Variants in POGZ observed in about 807,000 individuals in gnomAD.
POGZ encodes the protein pogo transposable element with ZNF domain.
In POGZ, 17 loss-of-function variants were observed where a neutral mutation model predicts 134.6. The observed-to-expected ratio is 0.13, with a 90% confidence interval of 0.09 to 0.19. The LOEUF is 0.19. POGZ is among the 10% of genes least tolerant of loss of function. POGZ has a pLI of 1.00. For synonymous variants in POGZ, 693 were observed against 657.1 expected, an observed-to-expected ratio of 1.05 and a Z score of -0.84; for missense variants, 1,306 against 1,769.7, an observed-to-expected ratio of 0.74 and a Z score of 4.70.
In POGZ at chr1:151,423,554, G is replaced by A. The variant is rs367963956; in HGVS notation, c.1524-3C>T. The A allele has an allele frequency of 6.2e-6, 10 of 1,601,960 alleles. No individual in the cohort carries two copies. In the Middle Eastern group the frequency reaches 6.6e-4, roughly 106 times the overall value. On this transcript the variant is annotated splice_polypyrimidine_tract_variant and splice_region_variant and intron_variant, in intron 9 of 18. Transcript: ENST00000271715. ...GGTGTTTCATATGGTTCATGAATCTGTAATAAAGCACAAAGAGAAAGTACA... is the reference window on the plus strand; with the variant it reads ...GGTGTTTCATATGGTTCATGAATCTATAATAAAGCACAAAGAGAAAGTACA...
Position 151,441,097 on chromosome 1 carries a change from G to A in POGZ, c.125-11C>T, listed in dbSNP as rs148722473. On this transcript the variant is annotated splice_polypyrimidine_tract_variant and intron_variant, in intron 2 of 18. Transcript: ENST00000271715. ...GCTGGCTCACAGAAACTGTGGGGAA[G>A]GGGAGGCATAGTCACTTGGAGACAG... 2 of 1,611,290 alleles carry A rather than the reference G, an allele frequency of 1.2e-6. No homozygotes were observed. The highest frequency in any genetic ancestry group is 8.5e-7 in the Non-Finnish European group (1 of 1,178,270).
intron 10 of POGZ, among the ~76,000 whole-genome samples, chr1:151,420,701 A>G (rs1326261916): frequency 6.6e-6 from 1 of 152,176 alleles, no homozygotes; most frequent in Non-Finnish European, 1.5e-5. Flanking sequence ...TATCTAGTGA[A>G]CACTTAAAAT....
intron 10 of POGZ, among the ~76,000 whole-genome samples, chr1:151,415,788 C>T (rs193117184): frequency 6.6e-6 from 1 of 151,734 alleles, no homozygotes; most frequent in East Asian, 1.9e-4. Context: ...CTCACACTAA[C>T]AAAAGCTATG....
At chr1:151,457,190 T>C (rs1662878512) in intron 1 of POGZ, among the ~76,000 whole-genome samples, 1 of 152,180 alleles carries the variant, frequency 6.6e-6, no homozygotes, top group Non-Finnish European at 1.5e-5. Flanking sequence ...ATCAGGTTCG[T>C]CCCAAGAGTC....
intron 1 of POGZ, among the ~76,000 whole-genome samples, chr1:151,450,107 C>T (rs1661861800): frequency 7.2e-6 from 1 of 139,206 alleles, no homozygotes; most frequent in African/African-American, 2.6e-5. Context: ...TCTCGGCTCA[C>T]TGCAACCTCC....
At chr1:151,412,486 T>C in intron 10 of POGZ, 90 bp from the exon 11 acceptor site, 1 of 726,732 alleles carries the variant, frequency 1.4e-6, no homozygotes, top group South Asian at 1.7e-5. Context: ...GCCTCCTTTA[T>C]TTTGATTTTC....
chr1:151,433,689 C>T (rs544565489), intron 3 of POGZ, among the ~76,000 whole-genome samples: 1 of 149,228 alleles, frequency 6.7e-6, no homozygotes, highest in Non-Finnish European at 1.5e-5. Context: ...ATTAGATTCA[C>T]AATGCAATGG....
intron 10 of POGZ, among the ~76,000 whole-genome samples, chr1:151,421,720 A>C (rs988846096): frequency 2.6e-5 from 4 of 152,166 alleles, no homozygotes; most frequent in African/African-American, 9.7e-5. Context: ...CCATTTCTGT[A>C]TCTCTCAGTT....
Position 151,405,291 on chromosome 1 carries a change from A to G in POGZ, c.3744T>C (p.Thr1248=). 1 of 1,614,242 alleles carries G rather than the reference A, an allele frequency of 6.2e-7. No homozygotes were observed. The highest frequency in any genetic ancestry group is 8.5e-7 in the Non-Finnish European group (1 of 1,180,026). ...AGCCTGCTGGGACCACTGCAGGCAA[A>G]GTGCTAGAGGCACTAAGCATAGCCA... The part of the protein sequence containing the change: ...EVLAMLSASS[T]LPAVVPAGCS... The change falls in exon 19 of 19, where the codon ACT becomes ACC. Residue 1248 remains threonine, a synonymous_variant. Transcript: ENST00000271715. This position sits in a 1 kb window ranked among gnomAD's most constrained non-coding sequence, Gnocchi z 4.9.
At chr1:151,449,626 G>A (rs1661762148) in intron 1 of POGZ, among the ~76,000 whole-genome samples, 1 of 152,244 alleles carries the variant, frequency 6.6e-6, no homozygotes. Context: ...GCCAGGCACA[G>A]TGGCTCACGC....
rs375355132 is a variant in POGZ, at chr1:151,405,375, C to G, written c.3660G>C (p.Gln1220His). 23 of 1,613,874 alleles carry G rather than the reference C, an allele frequency of 1.4e-5. No homozygotes were observed. In the Middle Eastern group the frequency reaches 2.8e-3, roughly 196 times the overall value. ...TRVWQKHTACQRSKGMLVMDC... is the reference protein window; with the variant it reads ...TRVWQKHTACHRSKGMLVMDC... ...CCATCACAAGCATGCCTTTGCTGCG[C>G]TGGCAAGCTGTGTGCTTCTGCCACA... The change falls in exon 19 of 19, where the codon CAG (glutamine) becomes CAC (histidine). Residue 1220 changes from glutamine to histidine, a missense_variant. Around this residue, in one of 10 missense-constraint regions of POGZ, gnomAD observed 161 missense variants for 185.4 expected, o/e 0.87. Coordinates refer to ENST00000271715, the MANE Select transcript of POGZ (RefSeq NM_015100.4). The surrounding 1 kb of genome is among the most constrained non-coding windows in gnomAD (Gnocchi z 4.9).
In POGZ at chr1:151,459,370, G is replaced by T. The variant is rs1341434330; in HGVS notation, c.-220C>A. On this transcript the variant is annotated 5_prime_UTR_variant, in exon 1 of 19. Transcript: ENST00000271715. ...TCGGGGTGGATTTTTTTCCCGAGGG[G>T]GGCGGGGGGGCCCCGAGGGAGGGGG... 6.7e-6 allele frequency: 1 copy of T among 149,522 alleles called. No homozygotes were observed. Among genetic ancestry groups the T allele is most frequent in the African/African-American group, 2.5e-5 (1 of 40,710 alleles). 9.3% of individuals were successfully genotyped at this position (149,522 alleles called of 1,614,324 possible). A position where few individuals can be genotyped will look rare whatever the true frequency, so the allele number is the denominator to read the frequency against.
At position 151,442,076 on chromosome 1, in the gene POGZ, G is replaced by A; in HGVS notation, c.124+5C>T. ...ACCATCTAAGATCAGAAGAGCTTTTGTTACCTGTGGTAGTTTTATCCACTG... is the reference window on the plus strand; with the variant it reads ...ACCATCTAAGATCAGAAGAGCTTTTATTACCTGTGGTAGTTTTATCCACTG... On this transcript the variant is annotated splice_donor_5th_base_variant and intron_variant, in intron 2 of 18. Transcript: ENST00000271715. The A allele has an allele frequency of 6.3e-7, 1 of 1,586,550 alleles. No homozygotes were observed. The highest frequency in any genetic ancestry group is 8.6e-7 in the Non-Finnish European group (1 of 1,156,934).
intron 10 of POGZ, among the ~76,000 whole-genome samples, chr1:151,412,730 C>A (rs1228516731): frequency 6.6e-6 from 1 of 152,082 alleles, no homozygotes; most frequent in African/African-American, 2.4e-5. Flanking sequence ...TTCCTGAGCT[C>A]AAAATTTAGG....
At chr1:151,457,942 A>T (rs1463873778) in intron 1 of POGZ, among the ~76,000 whole-genome samples, 1 of 151,668 alleles carries the variant, frequency 6.6e-6, no homozygotes, top group Non-Finnish European at 1.5e-5. Context: ...AAAAAAAAAA[A>T]AGTAAAACCC....
Position 151,404,546 on chromosome 1 carries a change from G to C in POGZ, c.*256C>G, listed in dbSNP as rs1653229190. 1 of 1,134,326 alleles carries C rather than the reference G, an allele frequency of 8.8e-7. No homozygotes were observed. The highest frequency in any genetic ancestry group is 1.6e-5 in the African/African-American group (1 of 61,040). 70.3% of individuals were successfully genotyped at this position (1,134,326 alleles called of 1,614,324 possible). ...TGATTTAAATTTAAAAAAAAAAAAAGTCACAAAAACCTGTTTTTAGCAGAA... is the reference window on the plus strand; with the variant it reads ...TGATTTAAATTTAAAAAAAAAAAAACTCACAAAAACCTGTTTTTAGCAGAA... On this transcript the variant is annotated 3_prime_UTR_variant, in exon 19 of 19. Coordinates refer to ENST00000271715, the MANE Select transcript of POGZ (RefSeq NM_015100.4).
At chr1:151,449,161 C>T (rs1230328675) in intron 1 of POGZ, among the ~76,000 whole-genome samples, 1 of 152,200 alleles carries the variant, frequency 6.6e-6, no homozygotes, top group Non-Finnish European at 1.5e-5. Context: ...CAACATATAT[C>T]AGGCACCGCC....
intron 3 of POGZ, among the ~76,000 whole-genome samples, chr1:151,437,487 C>T (rs1317539391): frequency 6.6e-6 from 1 of 152,166 alleles, no homozygotes; most frequent in East Asian, 1.9e-4. Context: ...AGCAGTGGCT[C>T]ATGCCTGTAA....
intron 15 of POGZ, among the ~76,000 whole-genome samples, chr1:151,407,608 C>T (rs1653870243): frequency 6.6e-6 from 1 of 151,880 alleles, no homozygotes; most frequent in African/African-American, 2.4e-5. Context: ...CCATCAAAAC[C>T]GAAAAAACAG....
Sources: gnomAD v4.1 joint callset for allele counts (sites outside exome capture counted in the v4.1 genomes callset) on GRCh38, gnomAD v4.1.1 for gene constraint, gnomAD v4.1.1 regional missense constraint, Gnocchi (gnomAD v3.1) non-coding constraint, MANE v1.5 for transcripts, NCBI Gene and HGNC (gene_info 2026-07-23, HGNC 2026-07-21) for gene names.